MROH1: variants seen among roughly 807,000 people sequenced by gnomAD.
The protein encoded by MROH1 is maestro heat like repeat family member 1.
MROH1 carries 117 observed loss-of-function variants against 116.5 expected under a neutral mutation model. That is an observed-to-expected ratio of 1.00 (90% CI 0.86 to 1.17). The LOEUF is 1.17. MROH1 is among the 50% of genes most tolerant of loss of function. The probability of loss-of-function intolerance (pLI) is 0.00; values close to 1 mark genes in which losing one functional copy is unlikely to be tolerated. For missense variants in MROH1, 1,873 were observed against 1,338.5 expected, an observed-to-expected ratio of 1.40 and a Z score of -6.23; for synonymous variants, 921 against 583.9, an observed-to-expected ratio of 1.58 and a Z score of -8.32.
chr8:144,225,891 G>A (rs2132494543), intron 14 of MROH1, among the ~76,000 whole-genome samples: 1 of 143,394 alleles, frequency 7.0e-6, no homozygotes, highest in Admixed American at 7.2e-5. Context: ...TTCACATATA[G>A]GCCTATGATT....
chr8:144,197,576 C>G (rs950782960), intron 10 of MROH1, among the ~76,000 whole-genome samples: 34 of 150,094 alleles, frequency 2.3e-4, no homozygotes, highest in African/African-American at 7.6e-4. Flanking sequence ...GCTGGGACTA[C>G]AGGCGCCTGC....
chr8:144,245,104 G>A, intron 28 of MROH1, 52 bp from the exon 29 acceptor site: 1 of 778,030 alleles, frequency 1.3e-6, no homozygotes. Flanking sequence ...CAAGGCTCCT[G>A]CCCCCAGGGC....
chr8:144,208,604 G>A (rs1429063650), intron 12 of MROH1, among the ~76,000 whole-genome samples: 1 of 152,058 alleles, frequency 6.6e-6, no homozygotes, highest in East Asian at 1.9e-4. Context: ...ACATTCCGAG[G>A]TACAGGGGTT....
chr8:144,162,084 C>CTT (rs1179685748), intron 2 of MROH1, among the ~76,000 whole-genome samples: 24 of 136,116 alleles, frequency 1.8e-4, no homozygotes, highest in East Asian at 4.2e-4. Flanking sequence ...TTTTTCTTTT[C>CTT]TTTTTTTTTT....
At chr8:144,209,472 T>C (rs1833612964) in intron 12 of MROH1, among the ~76,000 whole-genome samples, 1 of 149,806 alleles carries the variant, frequency 6.7e-6, no homozygotes, top group African/African-American at 2.5e-5. Context: ...TCCAGCTACT[T>C]GGGAGGCTGA....
chr8:144,185,137 C>T (rs1490100513), intron 7 of MROH1, among the ~76,000 whole-genome samples: 1 of 152,188 alleles, frequency 6.6e-6, no homozygotes, highest in Non-Finnish European at 1.5e-5. Flanking sequence ...CCCAGGATTT[C>T]TGTGCAGTGT....
intron 14 of MROH1, among the ~76,000 whole-genome samples, chr8:144,224,117 A>G (rs1274415559): frequency 6.6e-6 from 1 of 152,138 alleles, no homozygotes; most frequent in Admixed American, 6.6e-5. Flanking sequence ...TGGAGAGCCA[A>G]GGCCTCTGTT....
intron 14 of MROH1, among the ~76,000 whole-genome samples, chr8:144,229,809 G>A (rs545117525): frequency 4.6e-5 from 7 of 152,196 alleles, no homozygotes; most frequent in East Asian, 1.9e-4. Context: ...TGAGGCCAGC[G>A]GATCACTTGA....
chr8:144,181,377 G>C (rs1414968325), intron 7 of MROH1, among the ~76,000 whole-genome samples: 1 of 151,462 alleles, frequency 6.6e-6, no homozygotes, highest in Non-Finnish European at 1.5e-5. Context: ...TGGAGGGAGT[G>C]GTTACAGGGC....
At chr8:144,215,914 C>T (rs1424791882) in intron 12 of MROH1, among the ~76,000 whole-genome samples, 34 of 128,500 alleles carry the variant, frequency 2.6e-4, no homozygotes, top group Admixed American at 1.7e-3. Context: ...GGGCTGGGTG[C>T]GGTGGCTCAC....
intron 14 of MROH1, among the ~76,000 whole-genome samples, chr8:144,229,428 G>A (rs1838421425): frequency 6.7e-6 from 1 of 148,662 alleles, no homozygotes; most frequent in African/African-American, 2.5e-5. Context: ...CTGTGACCCA[G>A]GCTGGAGTTC....
intron 8 of MROH1, 77 bp from the exon 9 acceptor site, chr8:144,191,638 G>A (rs940992191): frequency 2.1e-5 from 33 of 1,558,084 alleles, no homozygotes; most frequent in Middle Eastern, 2.2e-4. Context: ...CGTCCGTCAC[G>A]GGTGCTTGCT....
At chr8:144,230,958 TTCCGCAGTGTTTGTG>T (rs1554822672) in intron 14 of MROH1, among the ~76,000 whole-genome samples, 1 of 142,942 alleles carries the variant, frequency 7.0e-6, no homozygotes, top group Non-Finnish European at 1.5e-5. Context: ...CCCTGCGGCC[TTCCGCAGTGTTTGTG>T]TCCCTGGGTA....
In MROH1 at chr8:144,260,393, G is replaced by A. The variant is rs1389670536; in HGVS notation, c.4380+19G>A. 1.4e-6 allele frequency: 1 copy of A among 708,112 alleles called. No individual in the cohort carries two copies. Among genetic ancestry groups the A allele is most frequent in the Non-Finnish European group, 2.6e-6 (1 of 387,926 alleles). 43.9% of individuals were successfully genotyped at this position (708,112 alleles called of 1,614,324 possible). A position where few individuals can be genotyped will look rare whatever the true frequency, so the allele number is the denominator to read the frequency against. On this transcript the variant is annotated intron_variant, in intron 39 of 43. Coordinates refer to ENST00000326134, the MANE Select transcript of MROH1 (RefSeq NM_032450.3). ...CGACAGTGTAGGCTGGTTGGGGCAG[G>A]GGGAGGGAAGAGGGCCCCAGCCCTT...
rs2133252226 is a variant in MROH1, at chr8:144,254,807, C to T, written c.3429-6C>T. ...GCCTCAAAGTGACTCTCCTGCTCTG[C>T]TCCAGCCACACCTGCATGCTGTGGC... On this transcript the variant is annotated splice_polypyrimidine_tract_variant and splice_region_variant and intron_variant, in intron 33 of 43. Coordinates refer to ENST00000326134, the MANE Select transcript of MROH1 (RefSeq NM_032450.3). The T allele has an allele frequency of 3.9e-6, 3 of 776,078 alleles. No individual in the cohort carries two copies. In the East Asian group the frequency reaches 7.3e-5, roughly 19 times the overall value. 48.1% of individuals were successfully genotyped at this position (776,078 alleles called of 1,614,324 possible). A position where few individuals can be genotyped will look rare whatever the true frequency, so the allele number is the denominator to read the frequency against.
intron 10 of MROH1, among the ~76,000 whole-genome samples, chr8:144,197,696 A>G (rs1278372976): frequency 2.7e-5 from 4 of 149,418 alleles, no homozygotes; most frequent in African/African-American, 7.4e-5. Flanking sequence ...CGGCCTCCCA[A>G]AGTGCTGGGA....
intron 12 of MROH1, among the ~76,000 whole-genome samples, chr8:144,210,532 A>G (rs1242885559): frequency 6.6e-6 from 1 of 152,090 alleles, no homozygotes; most frequent in East Asian, 1.9e-4. Context: ...TCTCTACTAA[A>G]AATGCAAAAA....
intron 32 of MROH1, 82 bp from the exon 33 acceptor site, chr8:144,250,130 C>A (rs1301129553): frequency 4.2e-6 from 3 of 714,018 alleles, no homozygotes; most frequent in Non-Finnish European, 7.6e-6. Context: ...TCCCTCATGG[C>A]CCCACCCCCT....
intron 37 of MROH1, among the ~76,000 whole-genome samples, chr8:144,259,673 G>A (rs1030147754): frequency 1.3e-5 from 2 of 152,252 alleles, no homozygotes; most frequent in East Asian, 1.9e-4. Context: ...CTTGGCCTTC[G>A]TGGCCAAAGA....
Sources: gnomAD v4.1 joint callset for allele counts (sites outside exome capture counted in the v4.1 genomes callset) on GRCh38, gnomAD v4.1.1 for gene constraint, MANE v1.5 for transcripts, NCBI Gene and HGNC (gene_info 2026-07-23, HGNC 2026-07-21) for gene names.